The following USP24 variants were observed in gnomAD, a reference collection of about 807,000 sequenced individuals.
USP24 encodes ubiquitin carboxyl-terminal hydrolase 24.
USP24 carries 97 observed loss-of-function variants against 361.6 expected under a neutral mutation model. The observed-to-expected ratio is 0.27, with a 90% CI of 0.23 to 0.32. The LOEUF (loss-of-function observed/expected upper bound fraction) is 0.32, where lower values mean the gene tolerates loss of function less well. USP24 is among the 10% of genes least tolerant of loss of function. The probability of loss-of-function intolerance (pLI) is 1.00; values close to 1 mark genes in which losing one functional copy is unlikely to be tolerated. For synonymous variants in USP24, 1,098 were observed against 1,124.6 expected (o/e 0.98, Z 0.47); for missense variants, 2,353 against 3,165.6 (o/e 0.74, Z 6.16).
Position 55,092,827 on chromosome 1 carries a change from C to A in USP24, c.6444G>T (p.Leu2148Phe). 6.3e-7 allele frequency: 1 copy of A among 1,580,238 alleles called. No homozygotes were observed. The highest frequency in any genetic ancestry group is 1.2e-5 in the South Asian group (1 of 85,850). ...YFSFVLSLAS[L>F]NATKLKHPYY... Reference sequence around the variant, plus strand: ...AATCCAGTTAGTTACTTACAGCATTCAATGAAGCTAAAGACAAAACAAAAC... The same window carrying A: ...AATCCAGTTAGTTACTTACAGCATTAAATGAAGCTAAAGACAAAACAAAAC... The change falls in exon 53 of 68, where the codon TTG (leucine) becomes TTT (phenylalanine). Residue 2148 changes from leucine (L) to phenylalanine (F), a missense_variant. Physicochemically the swap from Leu to Phe is conservative, Grantham distance 22 (BLOSUM62 0). Coordinates refer to ENST00000294383, the MANE Select transcript of USP24 (RefSeq NM_015306.3).
At chr1:55,152,587 A>G (rs1647242428) in intron 16 of USP24, among the ~76,000 whole-genome samples, 1 of 152,184 alleles carries the variant, frequency 6.6e-6, no homozygotes, top group African/African-American at 2.4e-5. Context: ...AACTGGATGA[A>G]TTTTAATCAT....
intron 1 of USP24, among the ~76,000 whole-genome samples, chr1:55,204,732 A>G (rs1351639707): frequency 3.3e-5 from 5 of 152,230 alleles, no homozygotes; most frequent in Admixed American, 3.3e-4. Flanking sequence ...TCACCATTGT[A>G]TTCATTTCTA....
intron 62 of USP24, 95 bp from the exon 63 acceptor site, chr1:55,075,618 A>G (rs1645008845): frequency 2.6e-6 from 2 of 757,474 alleles, no homozygotes; most frequent in Non-Finnish European, 4.3e-6. Context: ...AGATTAATTT[A>G]GTGTTTGACA....
chr1:55,214,008 C>T (rs887390201), intron 1 of USP24, among the ~76,000 whole-genome samples: 11 of 152,016 alleles, frequency 7.2e-5, no homozygotes, highest in African/African-American at 2.7e-4. Context: ...CCTCTTTACC[C>T]AGACCTGGTG....
At position 55,073,847 on chromosome 1, in the gene USP24, G is replaced by C. The variant is rs369426260; in HGVS notation, c.7507C>G (p.Leu2503Val). The C allele has an allele frequency of 6.3e-7, 1 of 1,578,186 alleles. No individual in the cohort carries two copies. Among genetic ancestry groups the C allele is most frequent in the African/African-American group, 1.3e-5 (1 of 74,174 alleles). ...SSRCYQCVKF[L>V]VTLAQKCPAA... is the part of the protein sequence containing the mutation. ...ACTTACTTTTGAGCAAGAGTGACAA[G>C]AAATTTGACACACTGGTAGCAGCGA... is the stretch of plus-strand genomic sequence containing the variant. The change falls in exon 64 of 68, where the codon CTT (leucine) becomes GTT (valine). Residue 2503 changes from leucine to valine, a missense_variant. By Grantham distance (32) the Leu-to-Val change is conservative. This residue lies in a region of USP24 where 598 missense variants were observed against 761.9 expected (regional missense o/e 0.78). Transcript: ENST00000294383.
Position 55,144,143 on chromosome 1 carries a change from C to G in USP24, c.2423G>C (p.Arg808Thr). The change falls in exon 21 of 68, where the codon AGA becomes ACA. Residue 808 changes from arginine (R) to threonine (T), a missense_variant. Coordinates refer to ENST00000294383, the MANE Select transcript of USP24 (RefSeq NM_015306.3). ...CGTACTTACCAACTGAGCTCCTTGT[C>G]TTTTCAATCGATGATCACAAAGATT... is the stretch of plus-strand genomic sequence containing the variant. ...NVNLCDHRLK[R>T]QGAQLYVEKL... 6.2e-7 allele frequency: 1 copy of G among 1,607,358 alleles called. No homozygotes were observed. Among genetic ancestry groups the G allele is most frequent in the Non-Finnish European group, 8.5e-7 (1 of 1,177,348 alleles).
Position 55,107,435 on chromosome 1 carries a change from G to C in USP24, c.4571-5C>G. On this transcript the variant is annotated splice_region_variant and splice_polypyrimidine_tract_variant and intron_variant, in intron 39 of 67. Coordinates refer to ENST00000294383, the MANE Select transcript of USP24 (RefSeq NM_015306.3). ...TTAACTGCTCCATTTCTGAAGCTAA[G>C]AAGGAAAAAAAAAATCCATTACAAA... The C allele has an allele frequency of 6.4e-7, 1 of 1,558,884 alleles. No individual in the cohort carries two copies. Among genetic ancestry groups the C allele is most frequent in the African/African-American group, 1.4e-5 (1 of 71,710 alleles).
intron 34 of USP24, 45 bp downstream of exon 34, chr1:55,125,275 C>T: frequency 1.3e-6 from 2 of 1,567,646 alleles, no homozygotes; most frequent in Non-Finnish European, 1.8e-6. Context: ...ACAGGACATT[C>T]TGAATAAGAG....
At chr1:55,192,920 A>G (rs1194024743) in intron 1 of USP24, among the ~76,000 whole-genome samples, 1 of 152,208 alleles carries the variant, frequency 6.6e-6, no homozygotes, top group East Asian at 1.9e-4. Flanking sequence ...TGACTTTTGT[A>G]TGTGGTTCCC....
chr1:55,115,718 G>T (rs543459547), intron 38 of USP24, among the ~76,000 whole-genome samples: 1 of 152,214 alleles, frequency 6.6e-6, no homozygotes, highest in East Asian at 1.9e-4. Context: ...ACATGCATGG[G>T]TATGTTTATT....
At chr1:55,097,789 T>A in intron 47 of USP24, 72 bp from the exon 48 acceptor site, 2 of 1,505,788 alleles carry the variant, frequency 1.3e-6, no homozygotes, top group Non-Finnish European at 8.8e-7. Context: ...GCACAGTAAT[T>A]AATGCAAAGG....
chr1:55,140,303 G>A (rs1242414183), intron 24 of USP24, among the ~76,000 whole-genome samples: 4 of 151,958 alleles, frequency 2.6e-5, no homozygotes, highest in Non-Finnish European at 5.9e-5. Context: ...ACTTACATTC[G>A]AATTTATCAG....
chr1:55,118,068 T>C (rs546222), intron 38 of USP24, among the ~76,000 whole-genome samples: 149,970 of 152,314 alleles, frequency 0.98, 73,870 homozygotes, highest in East Asian at 1. Context: ...CAAAGTCACC[T>C]ACAGGTTCAA....
At chr1:55,072,029 G>T in intron 66 of USP24, 105 bp from the exon 67 acceptor site, 2 of 1,027,904 alleles carry the variant, frequency 1.9e-6, no homozygotes, top group Non-Finnish European at 2.9e-6. Flanking sequence ...GGGACCGGAG[G>T]CCTGAGAGTG....
At chr1:55,098,632 T>C (rs1645551626) in intron 45 of USP24, 74 bp from the exon 46 acceptor site, 2 of 1,125,768 alleles carry the variant, frequency 1.8e-6, no homozygotes, top group Admixed American at 2.0e-5. Context: ...TATTAACACA[T>C]TGCAATTTAA....
At chr1:55,171,415 G>C (rs1373190337) in intron 5 of USP24, 141 bp downstream of exon 5, 2 of 1,055,212 alleles carry the variant, frequency 1.9e-6, no homozygotes, top group Non-Finnish European at 2.7e-6. Flanking sequence ...AAAAATGTAG[G>C]CAATTTTATG....
At chr1:55,130,325 T>TTA (rs1250102163) in intron 31 of USP24, among the ~76,000 whole-genome samples, 2 of 152,220 alleles carry the variant, frequency 1.3e-5, no homozygotes, top group Admixed American at 6.5e-5. Context: ...TAAGTGAACA[T>TTA]AGTAGTTGCC....
chr1:55,103,527 G>A (rs903050023), intron 42 of USP24, among the ~76,000 whole-genome samples: 5 of 152,188 alleles, frequency 3.3e-5, no homozygotes, highest in Admixed American at 1.3e-4. Flanking sequence ...CACATAGGCT[G>A]TACTGTGATA....
intron 1 of USP24, among the ~76,000 whole-genome samples, chr1:55,195,171 G>A (rs551684167): frequency 1.3e-5 from 2 of 152,308 alleles, no homozygotes; most frequent in Non-Finnish European, 2.9e-5. Flanking sequence ...TGGCAGGCAA[G>A]GCTCTCCATC....
Sources: gnomAD v4.1 joint callset for allele counts (sites outside exome capture counted in the v4.1 genomes callset) on GRCh38, gnomAD v4.1.1 for gene constraint, gnomAD v4.1.1 regional missense constraint, MANE v1.5 for transcripts, NCBI Gene and HGNC (gene_info 2026-07-23, HGNC 2026-07-21) for gene names.